Variants in RGS16 observed in about 807,000 individuals in gnomAD.
RGS16 encodes hRGS-r.
In RGS16, 12 loss-of-function variants were observed where a neutral mutation model predicts 18.1. The observed-to-expected ratio is 0.66, with a 90% CI of 0.42 to 1.07. RGS16 has a LOEUF of 1.07. RGS16 is among the 50% of genes least tolerant of loss of function. The pLI is 0.00. For missense variants in RGS16, 238 were observed against 249.2 expected (o/e 0.95, Z 0.30); for synonymous variants, 88 against 102.0 (o/e 0.86, Z 0.83).
chr1:182,602,282 G>A, intron 3 of RGS16, 138 bp downstream of exon 3: 1 of 1,071,192 alleles, frequency 9.3e-7, no homozygotes, highest in Non-Finnish European at 1.4e-6. Context: ...AATAGAGGCT[G>A]GCACACTAGG....
chr1:182,600,182 T>G lies in RGS16; in HGVS notation c.*110A>C, dbSNP rs1018592587. On this transcript the variant is annotated 3_prime_UTR_variant, in exon 5 of 5. Transcript: ENST00000367558. ...TTTTTTTTTTTTTTTTTTTTTTTTT[T>G]GTCCTCTTGCACTTGCTTTGCAGAA... 9.1e-6 allele frequency: 3 copies of G among 328,192 alleles called. No homozygotes were observed. Among genetic ancestry groups the G allele is most frequent in the South Asian group, 5.9e-5 (1 of 16,996 alleles). 20.3% of individuals were successfully genotyped at this position (328,192 alleles called of 1,614,324 possible).
rs774364088 is a variant in RGS16 at position 182,601,950 on chromosome 1, A to G, written c.387+16T>C. On this transcript the variant is annotated intron_variant, in intron 4 of 4. Coordinates refer to ENST00000367558, the MANE Select transcript of RGS16 (RefSeq NM_002928.4). ...GCAGGGTCGTGAGGATTCACTGGGC[A>G]TATGGGGGCTCTAACCTCTTTAGGG... The G allele has an allele frequency of 2.5e-6, 4 of 1,613,908 alleles. No homozygotes were observed. The highest frequency in any genetic ancestry group is 1.7e-6 in the Non-Finnish European group (2 of 1,179,876).
rs550310930 is a variant in RGS16 at position 182,603,435 on chromosome 1, C to A, written c.45-96G>T. Reference sequence around the variant, plus strand: ...CCAGAAGAGCTCTGGGTGGTGCCACCCAAACTTTAGCCTCAAGAGTTCCTG... The same window carrying A: ...CCAGAAGAGCTCTGGGTGGTGCCACACAAACTTTAGCCTCAAGAGTTCCTG... On this transcript the variant is annotated intron_variant, in intron 1 of 4. Transcript: ENST00000367558. 4.2e-6 allele frequency: 4 copies of A among 961,096 alleles called. No homozygotes were observed. In the South Asian group the frequency reaches 4.3e-5, roughly 10 times the overall value. The allele number at this position is 961,096 out of a possible 1,614,324, so 59.5% of individuals were successfully genotyped here. A position where few individuals can be genotyped will look rare whatever the true frequency, so the allele number is the denominator to read the frequency against.
At chr1:182,603,143 C>G in intron 2 of RGS16, 86 bp downstream of exon 2, 1 of 964,178 alleles carries the variant, frequency 1.0e-6, no homozygotes, top group African/African-American at 1.6e-5. Flanking sequence ...CTTAGCGTGT[C>G]CTGGCTTCTC....
At position 182,604,354 on chromosome 1, in the gene RGS16, C is replaced by T. The variant is rs928956433; in HGVS notation, c.-95G>A. On this transcript the variant is annotated 5_prime_UTR_variant, in exon 1 of 5. Coordinates refer to ENST00000367558, the MANE Select transcript of RGS16 (RefSeq NM_002928.4). ...GGAAGCAAAGGCGCGGTAGCAGGTGCTAGTCAACTGCGGTTGGGTTTAGCA... is the reference window on the plus strand; with the variant it reads ...GGAAGCAAAGGCGCGGTAGCAGGTGTTAGTCAACTGCGGTTGGGTTTAGCA... 2 of 1,290,054 alleles carry T rather than the reference C, an allele frequency of 1.6e-6. No homozygotes were observed. Among genetic ancestry groups the T allele is most frequent in the African/African-American group, 1.5e-5 (1 of 67,034 alleles). 79.9% of individuals were successfully genotyped at this position (1,290,054 alleles called of 1,614,324 possible).
At chr1:182,601,804 C>G in intron 4 of RGS16, 162 bp downstream of exon 4, 1 of 809,616 alleles carries the variant, frequency 1.2e-6, no homozygotes, top group Non-Finnish European at 2.0e-6. Context: ...TGGCACTGGG[C>G]CTGGCTTTCC....
chr1:182,598,678 A>G lies in RGS16; in HGVS notation c.*1614T>C, dbSNP rs1431650600. The G allele has an allele frequency of 1.3e-5, 2 of 152,776 alleles. No homozygotes were observed. The highest frequency in any genetic ancestry group is 3.9e-4 in the East Asian group (2 of 5,180). 9.5% of individuals were successfully genotyped at this position (152,776 alleles called of 1,614,324 possible). ...GAATATAACATGCTGAAACAGGAAA[A>G]TGGGGATTGCAAACATCATTCATAT... On this transcript the variant is annotated 3_prime_UTR_variant, in exon 5 of 5. Transcript: ENST00000367558.
rs187418393 is a variant in RGS16, at chr1:182,599,761, G to A, written c.*531C>T. 5 of 162,326 alleles carry A rather than the reference G, an allele frequency of 3.1e-5. No homozygotes were observed. Among genetic ancestry groups the A allele is most frequent in the Admixed American group, 2.9e-4 (5 of 17,306 alleles). The allele number at this position is 162,326 out of a possible 1,614,324, so 10.1% of individuals were successfully genotyped here. On this transcript the variant is annotated 3_prime_UTR_variant, in exon 5 of 5. Transcript: ENST00000367558. ...CGAGGTACAAGCTAAGGGACTCTGG[G>A]CTAGCCCAGAGGCCAGTGAGGAGGG...
At chr1:182,602,660 G>A (rs1356475546) in intron 2 of RGS16, among the ~76,000 whole-genome samples, 176 bp from the exon 3 acceptor site, 2 of 152,192 alleles carry the variant, frequency 1.3e-5, no homozygotes, top group Non-Finnish European at 2.9e-5. Flanking sequence ...AAGCAGTAGT[G>A]CTTTCTAGAG....
chr1:182,600,340 G>A lies in RGS16; in HGVS notation c.561C>T (p.Ala187=). The stretch of plus-strand genomic sequence containing the variant: ...GGCTGCAGCTGGACAGAGTGGCAGA[G>A]GCGGCTGAGGCTTGGGCAGCCAGGT... ...YRDLAAQASA[A]SATLSSCSLD... The change falls in exon 5 of 5, where the codon GCC becomes GCT. Residue 187 remains alanine, a synonymous_variant. Transcript: ENST00000367558. 3 of 1,613,934 alleles carry A rather than the reference G, an allele frequency of 1.9e-6. No individual in the cohort carries two copies. Among genetic ancestry groups the A allele is most frequent in the East Asian group, 4.5e-5 (2 of 44,862 alleles).
chr1:182,603,200 G>A (rs755886679), intron 2 of RGS16, 29 bp downstream of exon 2: 13 of 1,512,996 alleles, frequency 8.6e-6, no homozygotes, highest in East Asian at 2.3e-5. Flanking sequence ...CTTCCCTCTC[G>A]GAGCCCTGAG....
chr1:182,604,269 CGCAGGGCAGCACGTAGTAG>C lies in RGS16; in HGVS notation c.-29_-11del. ...CCAGGGTGCGGCACATGGCTGCGGGCGCAGGGCAGCACGTAGTAGGCAGGATGGTGGCAGGCTCCAGGAG... is the reference window on the plus strand; with the variant it reads ...CCAGGGTGCGGCACATGGCTGCGGGCGCAGGATGGTGGCAGGCTCCAGGAG... On this transcript the variant is annotated 5_prime_UTR_variant, in exon 1 of 5. Coordinates refer to ENST00000367558, the MANE Select transcript of RGS16 (RefSeq NM_002928.4). 1 of 1,549,368 alleles carries C rather than the reference CGCAGGGCAGCACGTAGTAG, an allele frequency of 6.5e-7. No individual in the cohort carries two copies. Among genetic ancestry groups the C allele is most frequent in the South Asian group, 1.2e-5 (1 of 83,890 alleles).
intron 1 of RGS16, 100 bp downstream of exon 1, chr1:182,604,113 TCTA>T: frequency 8.2e-7 from 1 of 1,218,518 alleles, no homozygotes; most frequent in South Asian, 1.3e-5. Context: ...TACTCAAGCC[TCTA>T]GCGCCCCATC....
intron 1 of RGS16, 30 bp downstream of exon 1, chr1:182,604,185 TC>T: frequency 6.4e-7 from 1 of 1,550,982 alleles, no homozygotes; most frequent in Non-Finnish European, 8.7e-7. Context: ...TGGTGGGACT[TC>T]CCCCAAGCAG....
chr1:182,603,627 C>T (rs1235959790), intron 1 of RGS16, among the ~76,000 whole-genome samples: 3 of 152,170 alleles, frequency 2.0e-5, no homozygotes, highest in Non-Finnish European at 4.4e-5. Context: ...GATCTCTCTT[C>T]GTGCCTGTTG....
Position 182,602,016 on chromosome 1 carries a change from T to C in RGS16, c.337A>G (p.Arg113Gly), listed in dbSNP as rs751974735. The stretch of plus-strand genomic sequence containing the variant: ...AACTCCTCAAAGATCTGGTGTGCCC[T>C]GGAGGCCAGCTTGGTAGCTGATCGG... Reference protein sequence around the residue: ...KIRSATKLASRAHQIFEEFIC... With the variant: ...KIRSATKLASGAHQIFEEFIC... The change falls in exon 4 of 5, where the codon AGG becomes GGG. Residue 113 changes from arginine (R) to glycine (G), a missense_variant. By Grantham distance (125) the Arg-to-Gly change is moderately radical (BLOSUM62 -2). Transcript: ENST00000367558. 7 of 1,614,190 alleles carry C rather than the reference T, an allele frequency of 4.3e-6. No homozygotes were observed. Among genetic ancestry groups the C allele is most frequent in the Non-Finnish European group, 5.9e-6 (7 of 1,180,032 alleles).
At chr1:182,604,004 G>A (rs1661910279) in intron 1 of RGS16, among the ~76,000 whole-genome samples, 1 of 152,200 alleles carries the variant, frequency 6.6e-6, no homozygotes, top group Non-Finnish European at 1.5e-5. Context: ...GTCAGAGGAT[G>A]GGGATGGCAG....
Position 182,600,532 on chromosome 1 carries a change from A to T in RGS16, c.388-19T>A, listed in dbSNP as rs1438901866. On this transcript the variant is annotated intron_variant, in intron 4 of 4. Transcript: ENST00000367558. ...TGTTGACCTGCGGGAAGGAGGACACACACAGGGTGAGTTGGGGAAGAGGGT... is the reference window on the plus strand; with the variant it reads ...TGTTGACCTGCGGGAAGGAGGACACTCACAGGGTGAGTTGGGGAAGAGGGT... The T allele has an allele frequency of 6.2e-7, 1 of 1,607,570 alleles. No homozygotes were observed.
Position 182,604,387 on chromosome 1 carries a change from A to G in RGS16, c.-128T>C. 1.1e-6 allele frequency: 1 copy of G among 878,174 alleles called. No homozygotes were observed. The highest frequency in any genetic ancestry group is 1.7e-6 in the Non-Finnish European group (1 of 590,776). 54.4% of individuals were successfully genotyped at this position (878,174 alleles called of 1,614,324 possible). On this transcript the variant is annotated 5_prime_UTR_variant, in exon 1 of 5. Coordinates refer to ENST00000367558, the MANE Select transcript of RGS16 (RefSeq NM_002928.4). Reference sequence around the variant, plus strand: ...CTGCGGTTGGGTTTAGCAGCCTGCAAGCGCCCAGACTGAGCGGCCGCTGCT... The same window carrying G: ...CTGCGGTTGGGTTTAGCAGCCTGCAGGCGCCCAGACTGAGCGGCCGCTGCT...
Sources: allele counts gnomAD v4.1 joint callset (sites outside exome capture counted in the v4.1 genomes callset), GRCh38; gene constraint gnomAD v4.1.1; transcripts MANE v1.5; gene names NCBI Gene and HGNC (gene_info 2026-07-23, HGNC 2026-07-21).